Variants in ABHD2 observed in about 807,000 individuals in gnomAD.
The protein encoded by ABHD2 is abhydrolase domain containing 2, acylglycerol lipase, also known as monoacylglycerol lipase ABHD2.
In ABHD2, 20 loss-of-function variants were observed where a neutral mutation model predicts 48.1. The observed-to-expected ratio is 0.42, with a 90% CI of 0.29 to 0.60. The LOEUF (loss-of-function observed/expected upper bound fraction) is 0.60, where lower values mean the gene tolerates loss of function less well. Among genes scored for constraint, ABHD2 ranks in the 20% least tolerant of loss-of-function variants. ABHD2 has a pLI of 0.24. For synonymous variants in ABHD2, 209 were observed against 214.2 expected, an observed-to-expected ratio of 0.98 and a Z score of 0.21; for missense variants, 405 against 550.9, an observed-to-expected ratio of 0.74 and a Z score of 2.65.
chr15:89,062,064 AG>A, the ABHD2 span, among the ~76,000 whole-genome samples: 4 of 152,114 alleles, frequency 2.6e-5, no homozygotes, highest in Non-Finnish European at 4.4e-5. Context: ...CAGAGCAATA[AG>A]GTTTAAGCTC....
At chr15:89,136,237 T>G (rs527811322) in intron 3 of ABHD2, 2 of 332,446 alleles carry the variant, frequency 6.0e-6, no homozygotes, top group South Asian at 4.9e-5. Flanking sequence ...CCTGAACGTC[T>G]TTTTTGTCTC....
At chr15:89,122,279 A>G (rs1219375607) in intron 3 of ABHD2, among the ~76,000 whole-genome samples, 1 of 152,180 alleles carries the variant, frequency 6.6e-6, no homozygotes, top group Non-Finnish European at 1.5e-5. Context: ...TTTTATGAGA[A>G]TTTGTGTCTC....
the ABHD2 span, among the ~76,000 whole-genome samples, chr15:89,045,882 C>A: frequency 6.6e-6 from 1 of 152,282 alleles, no homozygotes; most frequent in Non-Finnish European, 1.5e-5. Flanking sequence ...ATTGAATACC[C>A]TTTATTTCCT....
At chr15:89,154,209 C>T (rs1163598526) in intron 4 of ABHD2, among the ~76,000 whole-genome samples, 1 of 152,090 alleles carries the variant, frequency 6.6e-6, no homozygotes, top group Non-Finnish European at 1.5e-5. Flanking sequence ...GCCTCAGCCT[C>T]GCAAATGGTT....
intron 10 of ABHD2, among the ~76,000 whole-genome samples, chr15:89,194,344 CA>C (rs1480013565): frequency 4.6e-5 from 7 of 151,840 alleles, no homozygotes; most frequent in African/African-American, 1.7e-4. Context: ...ACTAAAAATA[CA>C]AAAATTAGCC....
At chr15:89,043,457 GAGA>G in the ABHD2 span, among the ~76,000 whole-genome samples, 1 of 148,990 alleles carries the variant, frequency 6.7e-6, no homozygotes, top group African/African-American at 2.5e-5. Flanking sequence ...GGAGGAGGAG[GAGA>G]AGGAGAAGGA....
In ABHD2 at chr15:89,188,344, G is replaced by T. The variant is rs767644116; in HGVS notation, c.926+41G>T. 27 of 1,585,022 alleles carry T rather than the reference G, an allele frequency of 1.7e-5. No homozygotes were observed. Among genetic ancestry groups the T allele is most frequent in the Non-Finnish European group, 2.3e-5 (26 of 1,155,268 alleles). ...CGGGAGAGGGACGCTCTGGGGCAGG[G>T]TGCCAGGCAGGAGGCTGCAGGTCAG... On this transcript the variant is annotated intron_variant, in intron 8 of 10. Transcript: ENST00000352732. The surrounding 1 kb of genome is among the most constrained non-coding windows in gnomAD (Gnocchi z 4.1).
At chr15:89,047,955 T>G in the ABHD2 span, among the ~76,000 whole-genome samples, 1 of 149,278 alleles carries the variant, frequency 6.7e-6, no homozygotes, top group Non-Finnish European at 1.5e-5. Context: ...GTTAGCTGGT[T>G]ATTTTGCTCG....
At chr15:89,147,454 C>T (rs1163436226) in intron 3 of ABHD2, among the ~76,000 whole-genome samples, 9 of 148,702 alleles carry the variant, frequency 6.1e-5, no homozygotes, top group South Asian at 2.1e-4. Context: ...CCCAGGTTTA[C>T]GCCATTCTCC....
At chr15:89,128,943 G>T (rs2050177335) in intron 3 of ABHD2, among the ~76,000 whole-genome samples, 1 of 152,184 alleles carries the variant, frequency 6.6e-6, no homozygotes, top group African/African-American at 2.4e-5. Context: ...AGTGGTATTG[G>T]TGGGTAATGG....
chr15:89,050,978 A>C, the ABHD2 span, among the ~76,000 whole-genome samples: 3 of 152,202 alleles, frequency 2.0e-5, no homozygotes, highest in Admixed American at 6.5e-5. Flanking sequence ...CATACCTGCA[A>C]TCCCAGCACT....
rs576004402 is a variant in ABHD2, at chr15:89,173,275, C to T, written c.539-2537C>T. ...ATAATATTCCTTCCATTGCTACCTTCTTAAAAAGAGAAACTTGGCCAGGGC... is the reference window on the plus strand; with the variant it reads ...ATAATATTCCTTCCATTGCTACCTTTTTAAAAAGAGAAACTTGGCCAGGGC... On this transcript the variant is annotated intron_variant, in intron 5 of 10. Coordinates refer to ENST00000352732, the MANE Select transcript of ABHD2 (RefSeq NM_152924.5). This position sits in a 1 kb window ranked among gnomAD's most constrained non-coding sequence, Gnocchi z 6.5. Among the ~76,000 whole-genome samples, 10 of 152,304 alleles carry T rather than the reference C, an allele frequency of 6.6e-5. No individual in the cohort carries two copies. Among genetic ancestry groups the T allele is most frequent in the Admixed American group, 2.6e-4 (4 of 15,296 alleles).
At chr15:89,133,006 A>G (rs1240028838) in intron 3 of ABHD2, among the ~76,000 whole-genome samples, 2 of 152,236 alleles carry the variant, frequency 1.3e-5, no homozygotes. Flanking sequence ...TCTGACGGAA[A>G]GCTCCAGGGC....
Position 89,102,526 on chromosome 15 carries a change from C to T in ABHD2, c.-106-11199C>T, listed in dbSNP as rs1205927496. The T allele has an allele frequency of 6.6e-6, 1 of 152,260 alleles. No individual in the cohort carries two copies. The highest frequency in any genetic ancestry group is 1.5e-5 in the Non-Finnish European group (1 of 68,054). 9.4% of individuals were successfully genotyped at this position (152,260 alleles called of 1,614,324 possible). On this transcript the variant is annotated intron_variant, in intron 1 of 10. Transcript: ENST00000352732. The surrounding 1 kb of genome is among the most constrained non-coding windows in gnomAD (Gnocchi z 4.8). ...TTCTGTCCTCTTCATTTGCAAGCCA[C>T]TGCTTTATCCACGAGGGTGCTCCCT... is the stretch of plus-strand genomic sequence containing the variant.
chr15:89,125,900 C>T (rs937479868), intron 3 of ABHD2, among the ~76,000 whole-genome samples: 4 of 152,156 alleles, frequency 2.6e-5, no homozygotes, highest in East Asian at 1.9e-4. Context: ...TTCTTAGAGA[C>T]TTTATGCCTT....
At chr15:89,075,634 A>G in the ABHD2 span, among the ~76,000 whole-genome samples, 1 of 152,166 alleles carries the variant, frequency 6.6e-6, no homozygotes, top group Non-Finnish European at 1.5e-5. The surrounding 1 kb of genome is among the most constrained non-coding windows in gnomAD (Gnocchi z 4.1). Flanking sequence ...CATTTGGGCA[A>G]TGGGAAGCTA....
At chr15:89,115,367 GGTATGT>G (rs1229053058) in intron 2 of ABHD2, among the ~76,000 whole-genome samples, 28 of 117,486 alleles carry the variant, frequency 2.4e-4, no homozygotes, top group Admixed American at 1.0e-3. Flanking sequence ...TATGTTTGGA[GGTATGT>G]GTGTGTGTGT....
intron 3 of ABHD2, among the ~76,000 whole-genome samples, chr15:89,132,692 C>T (rs1244072709): frequency 6.6e-6 from 1 of 152,126 alleles, no homozygotes; most frequent in Non-Finnish European, 1.5e-5. Context: ...CTTGTTCATT[C>T]CTAATAATAA....
chr15:89,145,534 AG>A lies in ABHD2; in HGVS notation c.195-6140del, dbSNP rs544306669. On this transcript the variant is annotated intron_variant, in intron 3 of 10. Transcript: ENST00000352732. ...GGTTTAATGTGGGCCGTGGGGTATCAGGGCAGTAAAGAAGCCTCTTGAATCA... is the reference window on the plus strand; with the variant it reads ...GGTTTAATGTGGGCCGTGGGGTATCAGGCAGTAAAGAAGCCTCTTGAATCA... 1.1e-3 allele frequency among the ~76,000 whole-genome samples: 170 copies of A among 152,294 alleles called. 1 individual carries two copies. Among genetic ancestry groups the A allele is most frequent in the African/African-American group, 3.8e-3 (157 of 41,572 alleles).
Sources: gnomAD v4.1 joint callset for allele counts (sites outside exome capture counted in the v4.1 genomes callset) on GRCh38, gnomAD v4.1.1 for gene constraint, Gnocchi (gnomAD v3.1) non-coding constraint, MANE v1.5 for transcripts, NCBI Gene and HGNC (gene_info 2026-07-23, HGNC 2026-07-21) for gene names.